The following PCSK5 variants were observed in gnomAD, a reference collection of about 807,000 sequenced individuals.
PCSK5 encodes prohormone convertase 5.
Under a neutral mutation model 233.2 loss-of-function variants are expected in PCSK5, and 129 were observed. The ratio of observed to expected loss-of-function variants is 0.55; its 90% CI spans 0.48 to 0.64. The LOEUF (loss-of-function observed/expected upper bound fraction) is 0.64, where lower values mean the gene tolerates loss of function less well. PCSK5 is among the 30% of genes least tolerant of loss of function. The pLI, the probability that PCSK5 is intolerant of heterozygous loss-of-function variation, is 0.00. For missense variants in PCSK5, 2,076 were observed against 2,430.1 expected (o/e 0.85, Z 3.06); for synonymous variants, 825 against 879.2 (o/e 0.94, Z 1.09).
chr9:76,006,133 T>A (rs1344638821), intron 3 of PCSK5, among the ~76,000 whole-genome samples: 1 of 152,050 alleles, frequency 6.6e-6, no homozygotes, highest in African/African-American at 2.4e-5. Flanking sequence ...TTATCTGATA[T>A]CAGAATCACA....
At chr9:76,125,003 A>T (rs1832788670) in intron 9 of PCSK5, among the ~76,000 whole-genome samples, 1 of 149,342 alleles carries the variant, frequency 6.7e-6, no homozygotes, top group African/African-American at 2.5e-5. Flanking sequence ...TCTAGTCTGG[A>T]CTCTTCTCTT....
At chr9:76,085,056 G>A (rs1831008120) in intron 7 of PCSK5, among the ~76,000 whole-genome samples, 1 of 152,190 alleles carries the variant, frequency 6.6e-6, no homozygotes, top group African/African-American at 2.4e-5. Context: ...GGCAAAGTTA[G>A]GCAACATGGC....
intron 12 of PCSK5, among the ~76,000 whole-genome samples, chr9:76,163,598 G>A (rs1200269580): frequency 6.6e-6 from 1 of 151,934 alleles, no homozygotes. Context: ...CCCTTGGCCT[G>A]TATACCCTGC....
intron 24 of PCSK5, among the ~76,000 whole-genome samples, chr9:76,270,275 G>A (rs1320303971): frequency 6.6e-6 from 1 of 152,062 alleles, no homozygotes; most frequent in Non-Finnish European, 1.5e-5. Flanking sequence ...CTTTTTTCCA[G>A]CAATATATTT....
rs567815504 is a variant in PCSK5 at position 76,321,388 on chromosome 9, G to T, written c.3885-34G>T. 3.4e-5 allele frequency: 40 copies of T among 1,161,152 alleles called. No homozygotes were observed. In the South Asian group the frequency reaches 4.5e-4, roughly 13 times the overall value. 71.9% of individuals were successfully genotyped at this position (1,161,152 alleles called of 1,614,324 possible). A position where few individuals can be genotyped will look rare whatever the true frequency, so the allele number is the denominator to read the frequency against. On this transcript the variant is annotated intron_variant, in intron 30 of 37. Coordinates refer to ENST00000674117, the MANE Select transcript of PCSK5 (RefSeq NM_001372043.1). ...AATGAGTCACTTCTCCAGCAGGTCA[G>T]CTTCTCCAGTTGCACTCTGTCTTCC... is the stretch of plus-strand genomic sequence containing the variant.
At chr9:76,027,842 C>A (rs62558818) in intron 5 of PCSK5, among the ~76,000 whole-genome samples, 16,413 of 152,122 alleles carry the variant, frequency 0.11, 968 homozygotes, top group Non-Finnish European at 0.13. Flanking sequence ...TAGATACTTT[C>A]ATTTGAATTT....
chr9:76,040,377 C>CTGTCTG (rs1563988613), intron 5 of PCSK5, among the ~76,000 whole-genome samples: 1 of 59,798 alleles, frequency 1.7e-5, no homozygotes, highest in East Asian at 6.0e-4. Context: ...CTCTCTCTCT[C>CTGTCTG]TCTCTCTGTC....
At chr9:76,219,398 T>G (rs2131298336) in intron 20 of PCSK5, among the ~76,000 whole-genome samples, 1 of 152,148 alleles carries the variant, frequency 6.6e-6, no homozygotes, top group East Asian at 1.9e-4. Context: ...GGAGGTTCAT[T>G]GGGTTGCTAA....
chr9:75,920,108 G>C (rs982960502), intron 1 of PCSK5, among the ~76,000 whole-genome samples: 3 of 152,132 alleles, frequency 2.0e-5, no homozygotes, highest in Non-Finnish European at 4.4e-5. Flanking sequence ...GGCAAAGGTT[G>C]CAGTAAACCA....
intron 9 of PCSK5, among the ~76,000 whole-genome samples, chr9:76,122,816 C>CTT (rs11430110): frequency 1.5e-5 from 2 of 130,504 alleles, no homozygotes; most frequent in Middle Eastern, 4.3e-3. Context: ...CTTATTTTTT[C>CTT]TTTTTTTTTT....
intron 17 of PCSK5, 55 bp from the exon 18 acceptor site, chr9:76,188,523 A>G (rs1824210881): frequency 4.6e-6 from 5 of 1,096,006 alleles, no homozygotes; most frequent in Non-Finnish European, 7.0e-6. Context: ...GGGAGTCATT[A>G]CGTTTTGGCC....
At chr9:76,062,315 A>G (rs967925466) in intron 5 of PCSK5, among the ~76,000 whole-genome samples, 1 of 152,218 alleles carries the variant, frequency 6.6e-6, no homozygotes. Flanking sequence ...TGTTCCAAAT[A>G]TCAAATTTGG....
At chr9:76,126,316 A>G (rs968174147) in intron 9 of PCSK5, among the ~76,000 whole-genome samples, 5 of 152,190 alleles carry the variant, frequency 3.3e-5, no homozygotes, top group Non-Finnish European at 7.4e-5. Flanking sequence ...TAATTCAGCC[A>G]TAAAAAAATG....
At chr9:75,907,988 T>A (rs1822476831) in intron 1 of PCSK5, among the ~76,000 whole-genome samples, 1 of 152,202 alleles carries the variant, frequency 6.6e-6, no homozygotes. Flanking sequence ...GCCAAAACAC[T>A]GAAATTAAAT....
chr9:76,213,344 AT>A (rs1825400987), intron 20 of PCSK5, among the ~76,000 whole-genome samples: 1 of 152,216 alleles, frequency 6.6e-6, no homozygotes, highest in African/African-American at 2.4e-5. Flanking sequence ...TTCGGTATTC[AT>A]TCAAACACTG....
At chr9:76,270,152 G>A (rs921404059) in intron 24 of PCSK5, among the ~76,000 whole-genome samples, 1 of 151,852 alleles carries the variant, frequency 6.6e-6, no homozygotes, top group Non-Finnish European at 1.5e-5. Flanking sequence ...CCAGCAATTC[G>A]GGCAAAAATT....
intron 32 of PCSK5, among the ~76,000 whole-genome samples, chr9:76,325,979 T>C (rs1034159993): frequency 6.6e-5 from 10 of 152,032 alleles, no homozygotes; most frequent in Non-Finnish European, 1.5e-5. Context: ...GGAAGGAATG[T>C]GGTATTGGAA....
intron 24 of PCSK5, among the ~76,000 whole-genome samples, chr9:76,289,405 G>T (rs568457950): frequency 3.3e-5 from 5 of 150,214 alleles, no homozygotes; most frequent in African/African-American, 1.2e-4. Context: ...TCCTTCTTTG[G>T]ATAACACCTT....
chr9:76,273,596 T>TATATATATATATATATATATATATA (rs397822892), intron 24 of PCSK5, among the ~76,000 whole-genome samples: 19 of 145,100 alleles, frequency 1.3e-4, no homozygotes, highest in Middle Eastern at 3.6e-3. Context: ...TATATATATA[T>TATATATATATATATATATATATATA]TTGTACTGCT....
Sources: allele counts gnomAD v4.1 joint callset (sites outside exome capture counted in the v4.1 genomes callset), GRCh38; gene constraint gnomAD v4.1.1; transcripts MANE v1.5; gene names NCBI Gene and HGNC (gene_info 2026-07-23, HGNC 2026-07-21).